Variants in FRMPD4 observed in about 807,000 individuals in gnomAD.
FRMPD4 encodes FERM and PDZ domain containing 4.
Under a neutral mutation model 94.1 loss-of-function variants are expected in FRMPD4, and 22 were observed. The observed-to-expected ratio is 0.23, with a 90% CI of 0.17 to 0.33. The LOEUF (loss-of-function observed/expected upper bound fraction) is 0.33. Among genes scored for constraint, FRMPD4 ranks in the 10% least tolerant of loss-of-function variants. The pLI, the probability that FRMPD4 is intolerant of heterozygous loss-of-function variation, is 1.00. For synonymous variants in FRMPD4, 631 were observed against 548.6 expected (o/e 1.15, Z -2.10); for missense variants, 1,111 against 1,339.9 (o/e 0.83, Z 2.67).
intron 1 of FRMPD4, among the ~76,000 whole-genome samples, chrX:12,461,499 T>C (rs1352862661): frequency 8.9e-6 from 1 of 112,034 alleles, no homozygotes. Flanking sequence ...CTTGTGGAAG[T>C]ACATGACGCC....
At chrX:11,858,681 A>G (rs1445874357) in intron 1 of FRMPD4, among the ~76,000 whole-genome samples, 1 of 111,307 alleles carries the variant, frequency 9.0e-6, no homozygotes, top group Non-Finnish European at 1.9e-5. Context: ...ACAAACCTAC[A>G]CTTGTACCCC....
chrX:12,414,457 C>T (rs912520658), intron 1 of FRMPD4, among the ~76,000 whole-genome samples: 4 of 112,154 alleles, frequency 3.6e-5, no homozygotes, highest in Non-Finnish European at 7.5e-5. Flanking sequence ...GTTATTTGAT[C>T]CCAAAGTTCA....
At chrX:11,931,965 G>A (rs1019893993) in intron 3 of FRMPD4, among the ~76,000 whole-genome samples, 6 of 112,030 alleles carry the variant, frequency 5.4e-5, no homozygotes, top group African/African-American at 1.9e-4. Context: ...TACTGAACTT[G>A]CCCAGGGATA....
At chrX:11,902,238 C>T (rs760404459) in intron 3 of FRMPD4, among the ~76,000 whole-genome samples, 1 of 112,635 alleles carries the variant, frequency 8.9e-6, no homozygotes, top group African/African-American at 3.2e-5. Flanking sequence ...TCTTTGTCAG[C>T]TTGGCTGCTA....
chrX:12,547,247 A>G (rs1002633517), intron 2 of FRMPD4, among the ~76,000 whole-genome samples: 7 of 110,996 alleles, frequency 6.3e-5, no homozygotes, highest in Non-Finnish European at 1.3e-4. Flanking sequence ...AGAAATGTCA[A>G]GTAATCGGCC....
intron 1 of FRMPD4, among the ~76,000 whole-genome samples, chrX:12,368,660 CT>C (rs1478967997): frequency 9.0e-6 from 1 of 111,293 alleles, no homozygotes; most frequent in Non-Finnish European, 1.9e-5. Flanking sequence ...GGGCAGATCA[CT>C]TGAGTTCAGG....
chrX:12,213,428 TTGGG>T (rs2056774220), intron 1 of FRMPD4, among the ~76,000 whole-genome samples: 2 of 111,968 alleles, frequency 1.8e-5, no homozygotes, highest in Middle Eastern at 9.2e-3. Context: ...CACATGAAAG[TTGGG>T]TGGGTGGGTG....
intron 1 of FRMPD4, among the ~76,000 whole-genome samples, chrX:12,369,751 T>C (rs2056136433): frequency 1.8e-5 from 2 of 111,645 alleles, no homozygotes; most frequent in Admixed American, 1.9e-4. Context: ...AGATGCATGA[T>C]AGAGTCAAGG....
Position 12,034,634 on chromosome X carries a change from C to G in FRMPD4, c.95+156616C>G, listed in dbSNP as rs185616999. ...AGCAGGAACTATGATACAGCTAGAC[C>G]ATTCGTTTCCAGTCTTTTCGGTTTT... is the stretch of plus-strand genomic sequence containing the variant. On this transcript the variant is annotated intron_variant, in intron 3 of 18. Coordinates refer to the FRMPD4 transcript ENST00000640291. 1.9e-4 allele frequency among the ~76,000 whole-genome samples: 21 copies of G among 111,840 alleles called. No individual in the cohort carries two copies. The Admixed American group carries it at 2.0e-3, about 11-fold the overall frequency.
chrX:12,586,554 G>A (rs2058930121), intron 2 of FRMPD4, among the ~76,000 whole-genome samples: 1 of 112,564 alleles, frequency 8.9e-6, no homozygotes, highest in Non-Finnish European at 1.9e-5. Flanking sequence ...AGCGGACCAT[G>A]CAGACATAAG....
intron 2 of FRMPD4, among the ~76,000 whole-genome samples, chrX:12,549,681 C>T (rs1031961177): frequency 2.7e-5 from 3 of 111,979 alleles, no homozygotes; most frequent in Non-Finnish European, 5.6e-5. Context: ...CTGCTGTTAG[C>T]GGCAGTATCC....
chrX:11,823,837 A>C (rs1384891822), intron 1 of FRMPD4, among the ~76,000 whole-genome samples: 2 of 111,719 alleles, frequency 1.8e-5, no homozygotes, highest in African/African-American at 6.5e-5. Flanking sequence ...CCATATAAAA[A>C]CGGGCGGCAA....
intron 3 of FRMPD4, among the ~76,000 whole-genome samples, chrX:11,971,234 A>G (rs2054338573): frequency 8.9e-6 from 1 of 112,378 alleles, no homozygotes; most frequent in Non-Finnish European, 1.9e-5. Flanking sequence ...GGCCAGGGAA[A>G]CATGTTTTCT....
chrX:11,969,125 T>C (rs1015101117), intron 3 of FRMPD4, among the ~76,000 whole-genome samples: 3 of 112,578 alleles, frequency 2.7e-5, no homozygotes, highest in African/African-American at 9.7e-5. Flanking sequence ...TTCTGGATAA[T>C]TGGATCTTAT....
chrX:11,877,788 G>A (rs183609618), intron 2 of FRMPD4, among the ~76,000 whole-genome samples: 418 of 111,914 alleles, frequency 3.7e-3, no homozygotes, highest in Non-Finnish European at 6.7e-3. Context: ...TCTCAGCATC[G>A]ATTCCTCCTC....
rs1040097653 is a variant in FRMPD4, at chrX:12,687,503, T to C, written c.681+1299T>C. 5.4e-5 allele frequency among the ~76,000 whole-genome samples: 6 copies of C among 111,976 alleles called. No individual in the cohort carries two copies. The Admixed American group carries it at 5.7e-4, about 11-fold the overall frequency. ...TCTCTGTTTCAACTACTGAACTCTG[T>C]CATTGTATCAGGAAAGCAGCCATGA... On this transcript the variant is annotated intron_variant, in intron 7 of 16. Transcript: ENST00000675598.
At chrX:12,141,030 T>C (rs190039908) in intron 1 of FRMPD4, among the ~76,000 whole-genome samples, 218 of 112,015 alleles carry the variant, frequency 1.9e-3, no homozygotes, top group African/African-American at 6.7e-3. Flanking sequence ...CGTGCTGAGA[T>C]AGAAGTACCT....
chrX:12,469,408 C>A (rs1017831059), intron 1 of FRMPD4, among the ~76,000 whole-genome samples: 2 of 111,136 alleles, frequency 1.8e-5, no homozygotes, highest in Admixed American at 9.6e-5. Flanking sequence ...CACTGCCTTG[C>A]CCAGCTAATT....
chrX:12,193,835 G>GAAGGA lies in FRMPD4; in HGVS notation c.41+54826_41+54827insGAAAG, dbSNP rs1569186772. Among the ~76,000 whole-genome samples the GAAGGA allele has an allele frequency of 7.7e-4, 22 of 28,630 alleles. 4 individuals are homozygous for GAAGGA. In the East Asian group the frequency reaches 8.0e-3, roughly 10 times the overall value. The allele number at this position is 28,630 out of a possible 115,157, so 24.9% of individuals were successfully genotyped here. A position where few individuals can be genotyped will look rare whatever the true frequency, so the allele number is the denominator to read the frequency against. On this transcript the variant is annotated intron_variant, in intron 1 of 16. Transcript: ENST00000675598. ...GGAAGGAAGGAAGGAAGGAGGGAAG[G>GAAGGA]AAGAAAGAAAAGAAAGAAAAAGGAA...
Sources: gnomAD v4.1 joint callset for allele counts (sites outside exome capture counted in the v4.1 genomes callset) on GRCh38, gnomAD v4.1.1 for gene constraint, MANE v1.5 for transcripts, NCBI Gene and HGNC (gene_info 2026-07-23, HGNC 2026-07-21) for gene names.